Variants in FAM13A observed in about 807,000 individuals in gnomAD.
FAM13A encodes family with sequence similarity 13 member A, also known as protein FAM13A.
FAM13A carries 76 observed loss-of-function variants against 129.6 expected under a neutral mutation model. That is an observed-to-expected ratio of 0.59 (90% CI 0.49 to 0.71). FAM13A has a LOEUF of 0.71. Among genes scored for constraint, FAM13A ranks in the 30% least tolerant of loss-of-function variants. FAM13A has a pLI of 0.00. For missense variants in FAM13A, 1,108 were observed against 1,249.3 expected (o/e 0.89, Z 1.70); for synonymous variants, 443 against 449.9 (o/e 0.98, Z 0.20).
rs533342616 is a variant in FAM13A, at chr4:88,907,025, C to G, written c.760-563G>C. Among the ~76,000 whole-genome samples the G allele has an allele frequency of 2.0e-5, 3 of 152,322 alleles. No individual in the cohort carries two copies. In the South Asian group the frequency reaches 6.2e-4, roughly 32 times the overall value. On this transcript the variant is annotated intron_variant, in intron 5 of 23. Coordinates refer to ENST00000264344, the MANE Select transcript of FAM13A (RefSeq NM_014883.4). ...AAGTCCTTGGTTCACACCAAAAGAA[C>G]ATTTGCCAAAATAATGGCAGAAATT...
At chr4:88,802,471 T>C (rs1205077406) in intron 8 of FAM13A, among the ~76,000 whole-genome samples, 4 of 152,134 alleles carry the variant, frequency 2.6e-5, no homozygotes, top group Non-Finnish European at 5.9e-5. Flanking sequence ...CAGAAGATAT[T>C]TGATTTAGAA....
At chr4:88,950,761 T>C (rs1391119709) in intron 4 of FAM13A, among the ~76,000 whole-genome samples, 2 of 152,242 alleles carry the variant, frequency 1.3e-5, no homozygotes, top group African/African-American at 4.8e-5. Context: ...TGAATTTTTC[T>C]ATAATTCCCA....
At chr4:88,928,280 C>A (rs1454840047) in intron 5 of FAM13A, among the ~76,000 whole-genome samples, 1 of 152,056 alleles carries the variant, frequency 6.6e-6, no homozygotes. Flanking sequence ...GAGAATGTTC[C>A]ATGTGCTGAA....
chr4:88,916,528 C>T (rs1455411618), intron 5 of FAM13A, among the ~76,000 whole-genome samples: 1 of 152,218 alleles, frequency 6.6e-6, no homozygotes, highest in African/African-American at 2.4e-5. Context: ...ACCCACCATG[C>T]TTTCTCATTT....
At chr4:89,018,432 T>G (rs1264507736) in intron 3 of FAM13A, among the ~76,000 whole-genome samples, 1 of 152,222 alleles carries the variant, frequency 6.6e-6, no homozygotes, top group Non-Finnish European at 1.5e-5. Context: ...TTTCTCTCGT[T>G]TAGGCTTGTA....
intron 3 of FAM13A, among the ~76,000 whole-genome samples, chr4:89,004,455 C>T (rs961406734): frequency 2.6e-5 from 4 of 152,154 alleles, no homozygotes; most frequent in African/African-American, 7.2e-5. Flanking sequence ...GTGTTATCAA[C>T]TTAGCCAACG....
chr4:88,824,452 G>A (rs1732620608), intron 7 of FAM13A, among the ~76,000 whole-genome samples: 1 of 152,070 alleles, frequency 6.6e-6, no homozygotes. Flanking sequence ...TAAATAATCT[G>A]TGTTTATGAA....
At chr4:88,929,797 G>C (rs1752763119) in intron 5 of FAM13A, among the ~76,000 whole-genome samples, 1 of 152,098 alleles carries the variant, frequency 6.6e-6, no homozygotes, top group South Asian at 2.1e-4. Context: ...GAACACAGTG[G>C]TGCAAACACA....
At chr4:88,823,090 G>T (rs1313535742) in intron 7 of FAM13A, 4 of 1,594,926 alleles carry the variant, frequency 2.5e-6, no homozygotes, top group Non-Finnish European at 3.4e-6. Flanking sequence ...TCTTCTTACA[G>T]TGGCTAAGCT....
chr4:88,959,797 A>T (rs1235731990), intron 4 of FAM13A, among the ~76,000 whole-genome samples: 2 of 152,208 alleles, frequency 1.3e-5, no homozygotes, highest in Non-Finnish European at 2.9e-5. Context: ...TAACATATTT[A>T]CAGGTTCTGG....
At chr4:88,788,990 TG>T (rs1389433948) in intron 9 of FAM13A, among the ~76,000 whole-genome samples, 2 of 152,178 alleles carry the variant, frequency 1.3e-5, no homozygotes, top group Admixed American at 1.3e-4. Context: ...TAGAACTCCA[TG>T]TCTCAAATGA....
intron 4 of FAM13A, among the ~76,000 whole-genome samples, chr4:88,967,409 G>A (rs1759493213): frequency 6.6e-6 from 1 of 152,142 alleles, no homozygotes; most frequent in African/African-American, 2.4e-5. Context: ...GCTTTCCCAT[G>A]ACAATCATTA....
At chr4:89,017,980 C>A (rs906700018) in intron 3 of FAM13A, among the ~76,000 whole-genome samples, 4 of 152,046 alleles carry the variant, frequency 2.6e-5, no homozygotes, top group African/African-American at 4.8e-5. Context: ...TTTAATAATT[C>A]AATGATTTTA....
intron 3 of FAM13A, among the ~76,000 whole-genome samples, chr4:89,020,229 T>A (rs1166767269): frequency 6.6e-6 from 1 of 151,692 alleles, no homozygotes; most frequent in East Asian, 1.9e-4. Context: ...TTTTAAATTT[T>A]AAATATTTAG....
At position 88,790,617 on chromosome 4, in the gene FAM13A, G is replaced by A. The variant is rs1332801505; in HGVS notation, c.1060C>T (p.Pro354Ser). Residue 354 changes from proline (P) to serine (S), a missense_variant, in exon 9 of 24, where the codon CCC becomes TCC. This residue lies in a region of FAM13A where 566 missense variants were observed against 595.7 expected (regional missense o/e 0.95). Coordinates refer to ENST00000264344, the MANE Select transcript of FAM13A (RefSeq NM_014883.4). Reference sequence around the variant, plus strand: ...GTTGCAGACACATTGCTGACTTGGGGTACATGAGCACTGCAGAAAAGAAGC... The same window carrying A: ...GTTGCAGACACATTGCTGACTTGGGATACATGAGCACTGCAGAAAAGAAGC... The part of the protein sequence containing the change: ...LSPFYLSAHV[P>S]QVSNVSATGE... 6.2e-7 allele frequency: 1 copy of A among 1,611,818 alleles called. No homozygotes were observed. The highest frequency in any genetic ancestry group is 1.7e-5 in the Admixed American group (1 of 59,854).
At chr4:88,931,087 T>G (rs1752961268) in intron 5 of FAM13A, among the ~76,000 whole-genome samples, 1 of 151,624 alleles carries the variant, frequency 6.6e-6, no homozygotes, top group Admixed American at 6.6e-5. Context: ...CTGTGGGGAG[T>G]GCAGTCCACT....
intron 7 of FAM13A, chr4:88,823,446 A>C: frequency 2.1e-6 from 1 of 487,660 alleles, no homozygotes; most frequent in Non-Finnish European, 2.7e-6. Flanking sequence ...GGTAACTTGA[A>C]ACTTTCCTCT....
chr4:89,045,390 T>G (rs1176728293), intron 1 of FAM13A, among the ~76,000 whole-genome samples: 1 of 152,198 alleles, frequency 6.6e-6, no homozygotes, highest in Non-Finnish European at 1.5e-5. Context: ...AGAAAGCAGC[T>G]AACTGATGCC....
chr4:88,790,586 T>C lies in FAM13A; in HGVS notation c.1091A>G (p.Glu364Gly), dbSNP rs368815398. ...CAAAAACCCAACCCAAATAACTTAC[T>C]CTCCGGTTGCAGACACATTGCTGAC... The part of the protein sequence containing the change: ...PQVSNVSATG[E>G]LLERTIRSAV... The change falls in exon 9 of 24, where the codon GAA becomes GGA. Residue 364 changes from glutamate to glycine, a missense_variant and splice_region_variant. By Grantham distance (98) the Glu-to-Gly change is moderately conservative (BLOSUM62 -2). Transcript: ENST00000264344. 1.3e-6 allele frequency: 2 copies of C among 1,497,050 alleles called. No homozygotes were observed. Among genetic ancestry groups the C allele is most frequent in the African/African-American group, 2.9e-5 (2 of 69,262 alleles). 92.7% of individuals were successfully genotyped at this position (1,497,050 alleles called of 1,614,324 possible).
Sources: allele counts gnomAD v4.1 joint callset (sites outside exome capture counted in the v4.1 genomes callset), GRCh38; gene constraint gnomAD v4.1.1; regional missense constraint gnomAD v4.1.1; transcripts MANE v1.5; gene names NCBI Gene and HGNC (gene_info 2026-07-23, HGNC 2026-07-21).